The following MMP2 variants were observed in gnomAD, a reference collection of about 807,000 sequenced individuals.
The protein encoded by MMP2 is 72 kDa type IV collagenase.
A neutral mutation model predicts 74.8 loss-of-function variants in MMP2; 39 were observed. That is an observed-to-expected ratio of 0.52 (90% confidence interval 0.40 to 0.68). The LOEUF is 0.68. MMP2 is among the 30% of genes least tolerant of loss of function. MMP2 has a pLI of 0.00. For missense variants in MMP2, 803 were observed against 878.3 expected (o/e 0.91, Z 1.08); for synonymous variants, 367 against 339.8 (o/e 1.08, Z -0.88).
Position 55,498,490 on chromosome 16 carries a change from C to G in MMP2, c.1769+42C>G, listed in dbSNP as rs370695079. ...GGTAGGACAGCAGCACAGTTGGCTG[C>G]GAGAGACAGAGAAGCCGCCCTGAGG... is the stretch of plus-strand genomic sequence containing the variant. On this transcript the variant is annotated intron_variant, in intron 11 of 12. Transcript: ENST00000219070. 13 of 1,613,306 alleles carry G rather than the reference C, an allele frequency of 8.1e-6. No individual in the cohort carries two copies. The African/African-American group carries it at 1.7e-4, about 22-fold the overall frequency.
rs1962286124 is a variant in MMP2, at chr16:55,487,421, C to T, written c.833-1122C>T. ...GAAGTTAACGCTTTGCCTTTCTCAACTCTGAGGCCACTAAGGTATCTGGAC... is the reference window on the plus strand; with the variant it reads ...GAAGTTAACGCTTTGCCTTTCTCAATTCTGAGGCCACTAAGGTATCTGGAC... On this transcript the variant is annotated intron_variant, in intron 5 of 12. Transcript: ENST00000219070. 2.0e-5 allele frequency: 3 copies of T among 152,314 alleles called. No homozygotes were observed. In the South Asian group the frequency reaches 6.2e-4, roughly 32 times the overall value. 9.4% of individuals were successfully genotyped at this position (152,314 alleles called of 1,614,324 possible). A position where few individuals can be genotyped will look rare whatever the true frequency, so the allele number is the denominator to read the frequency against.
chr16:55,484,189 G>A, intron 3 of MMP2, 25 bp downstream of exon 3: 1 of 1,611,542 alleles, frequency 6.2e-7, no homozygotes, highest in South Asian at 1.1e-5. Context: ...GGGCAGAAGA[G>A]GGGCCAGCAG....
intron 5 of MMP2, among the ~76,000 whole-genome samples, chr16:55,486,423 T>C (rs991524920): frequency 4.7e-5 from 7 of 148,030 alleles, no homozygotes; most frequent in African/African-American, 1.5e-4. Flanking sequence ...CTGCCTCTCT[T>C]GGGCACTGTC....
intron 1 of MMP2, chr16:55,480,550 C>G (rs1167371193): frequency 6.6e-6 from 1 of 152,340 alleles, no homozygotes; most frequent in African/African-American, 2.4e-5. Flanking sequence ...GTCTTGTGAG[C>G]GTGCGCGCGC....
chr16:55,482,019 C>A, intron 1 of MMP2: 1 of 512,400 alleles, frequency 2.0e-6, no homozygotes, highest in African/African-American at 1.9e-5. Flanking sequence ...CATTCTAACA[C>A]AGTACTTATC....
chr16:55,488,760 T>G (rs2142354023), intron 6 of MMP2, 44 bp downstream of exon 6: 1 of 1,546,200 alleles, frequency 6.5e-7, no homozygotes, highest in South Asian at 1.2e-5. Flanking sequence ...CAGCACCTGC[T>G]GTCTGACAAA....
intron 8 of MMP2, among the ~76,000 whole-genome samples, 176 bp from the exon 9 acceptor site, chr16:55,492,982 G>C (rs1208532623): frequency 6.6e-6 from 1 of 152,128 alleles, no homozygotes; most frequent in South Asian, 2.1e-4. Context: ...AAAGTACAAA[G>C]GGCCCCAGGA....
intron 7 of MMP2, among the ~76,000 whole-genome samples, chr16:55,490,878 G>A (rs534884087): frequency 6.6e-6 from 1 of 152,204 alleles, no homozygotes; most frequent in African/African-American, 2.4e-5. Context: ...ATAGTCTCCT[G>A]GGGCTGCCAT....
At position 55,485,364 on chromosome 16, in the gene MMP2, A is replaced by G. The variant is rs1294210037; in HGVS notation, c.595A>G (p.Thr199Ala). ...GLLAHAFAPGTGVGGDSHFDD... is the reference protein window; with the variant it reads ...GLLAHAFAPGAGVGGDSHFDD... ...CCTGGCTCATGCCTTCGCCCCAGGC[A>G]CTGGTGTTGGGGGAGACTCCCATTT... Residue 199 changes from threonine (T) to alanine (A), a missense_variant, in exon 4 of 13, where the codon ACT (threonine) becomes GCT (alanine). Physicochemically the swap from Thr to Ala is moderately conservative, Grantham distance 58 (BLOSUM62 0). Coordinates refer to ENST00000219070, the MANE Select transcript of MMP2 (RefSeq NM_004530.6). 6 of 1,613,924 alleles carry G rather than the reference A, an allele frequency of 3.7e-6. No homozygotes were observed. The highest frequency in any genetic ancestry group is 1.7e-5 in the Admixed American group (1 of 59,996).
chr16:55,488,296 G>A, intron 5 of MMP2: 1 of 548,012 alleles, frequency 1.8e-6, no homozygotes, highest in Non-Finnish European at 3.3e-6. Flanking sequence ...CTGTGTGCCA[G>A]GTGTCAATCA....
chr16:55,489,798 G>C lies in MMP2; in HGVS notation c.1154G>C (p.Arg385Pro), dbSNP rs371828436. The C allele has an allele frequency of 1.2e-6, 2 of 1,613,996 alleles. No individual in the cohort carries two copies. The highest frequency in any genetic ancestry group is 2.2e-5 in the East Asian group (1 of 44,872). ...CATTANYDDD[R>P]KWGFCPDQGY... The stretch of plus-strand genomic sequence containing the variant: ...ACCACAGCCAACTACGATGATGACC[G>C]CAAGTGGGGCTTCTGCCCTGACCAA... The change falls in exon 7 of 13, where the codon CGC (arginine) becomes CCC (proline). Residue 385 changes from arginine (R) to proline (P), a missense_variant. Arg to Pro is a moderately radical substitution (Grantham distance 103). Around this residue, in one of 3 missense-constraint regions of MMP2, gnomAD observed 555 missense variants for 592.0 expected, o/e 0.94. Transcript: ENST00000219070.
Position 55,485,296 on chromosome 16 carries a change from C to G in MMP2, c.530-3C>G. On this transcript the variant is annotated splice_region_variant and splice_polypyrimidine_tract_variant and intron_variant, in intron 3 of 12. Coordinates refer to ENST00000219070, the MANE Select transcript of MMP2 (RefSeq NM_004530.6). ...AGACGCTAAGACCCAGTGTGTGTTTCAGAGCATGGCGATGGATACCCCTTT... is the reference window on the plus strand; with the variant it reads ...AGACGCTAAGACCCAGTGTGTGTTTGAGAGCATGGCGATGGATACCCCTTT... 1 of 1,614,112 alleles carries G rather than the reference C, an allele frequency of 6.2e-7. No homozygotes were observed. Among genetic ancestry groups the G allele is most frequent in the Non-Finnish European group, 8.5e-7 (1 of 1,179,996 alleles).
chr16:55,503,924 A>C (rs773658879), intron 12 of MMP2, among the ~76,000 whole-genome samples: 21 of 152,222 alleles, frequency 1.4e-4, no homozygotes, highest in Non-Finnish European at 2.4e-4. Flanking sequence ...AGGCCAAGGC[A>C]GGAGAACTGC....
In MMP2 at chr16:55,489,798, G is replaced by A. The variant is rs371828436; in HGVS notation, c.1154G>A (p.Arg385His). The change falls in exon 7 of 13, where the codon CGC becomes CAC. Residue 385 changes from arginine to histidine, a missense_variant. Arg to His is a conservative substitution (Grantham distance 29). Around this residue, in one of 3 missense-constraint regions of MMP2, gnomAD observed 555 missense variants for 592.0 expected, o/e 0.94. Transcript: ENST00000219070. Reference protein sequence around the residue: ...CATTANYDDDRKWGFCPDQGY... With the variant: ...CATTANYDDDHKWGFCPDQGY... ...ACCACAGCCAACTACGATGATGACCGCAAGTGGGGCTTCTGCCCTGACCAA... is the reference window on the plus strand; with the variant it reads ...ACCACAGCCAACTACGATGATGACCACAAGTGGGGCTTCTGCCCTGACCAA... The A allele has an allele frequency of 1.7e-5, 27 of 1,613,996 alleles. No homozygotes were observed. The highest frequency in any genetic ancestry group is 2.3e-5 in the Non-Finnish European group (27 of 1,180,010).
chr16:55,479,972 A>G, intron 1 of MMP2: 2 of 44,670 alleles, frequency 4.5e-5, no homozygotes, highest in Non-Finnish European at 9.1e-5. Context: ...TATCTGGGAC[A>G]TTTGGCGGGG....
intron 1 of MMP2, among the ~76,000 whole-genome samples, chr16:55,481,315 G>A (rs1377604591): frequency 6.6e-6 from 1 of 152,118 alleles, no homozygotes; most frequent in Admixed American, 6.5e-5. Context: ...ATGTTGCTAT[G>A]GCATTTATAA....
At position 55,498,403 on chromosome 16, in the gene MMP2, G is replaced by A. The variant is rs751926612; in HGVS notation, c.1724G>A (p.Ser575Asn). ...VQRVDAAFNW[S>N]KNKKTYIFAG... ...CGAGTGGATGCCGCCTTTAACTGGA[G>A]CAAAAACAAGAAGACATACATCTTT... is the stretch of plus-strand genomic sequence containing the variant. Residue 575 changes from serine (S) to asparagine (N), a missense_variant, in exon 11 of 13, where the codon AGC becomes AAC. Around this residue, in one of 3 missense-constraint regions of MMP2, gnomAD observed 555 missense variants for 592.0 expected, o/e 0.94. Coordinates refer to ENST00000219070, the MANE Select transcript of MMP2 (RefSeq NM_004530.6). 8.1e-6 allele frequency: 13 copies of A among 1,614,114 alleles called. No homozygotes were observed. In the Admixed American group the frequency reaches 2.2e-4, roughly 27 times the overall value.
intron 8 of MMP2, 94 bp downstream of exon 8, chr16:55,492,050 C>A: frequency 7.8e-7 from 1 of 1,283,390 alleles, no homozygotes; most frequent in Non-Finnish European, 1.1e-6. Context: ...CCAGCAAGAT[C>A]TCATCCAGCC....
chr16:55,497,151 A>G, intron 10 of MMP2, 89 bp downstream of exon 10: 2 of 1,570,254 alleles, frequency 1.3e-6, no homozygotes, highest in Non-Finnish European at 1.7e-6. Context: ...CCCCCTCTCA[A>G]ACCACAGTTC....
Sources: allele counts gnomAD v4.1 joint callset (sites outside exome capture counted in the v4.1 genomes callset), GRCh38; gene constraint gnomAD v4.1.1; regional missense constraint gnomAD v4.1.1; transcripts MANE v1.5; gene names NCBI Gene and HGNC (gene_info 2026-07-23, HGNC 2026-07-21).